FLI1: variants seen among roughly 807,000 people sequenced by gnomAD.
FLI1 encodes Friend leukemia integration 1 transcription factor.
Under a neutral mutation model 53.1 loss-of-function variants are expected in FLI1, and 13 were observed. The observed-to-expected ratio is 0.24, with a 90% confidence interval of 0.16 to 0.39. The LOEUF (loss-of-function observed/expected upper bound fraction) is 0.39, where lower values mean the gene tolerates loss of function less well. Ranked by LOEUF, FLI1 falls within the 10% of genes least tolerant of loss-of-function variation. The pLI, the probability that FLI1 is intolerant of heterozygous loss-of-function variation, is 1.00. For synonymous variants in FLI1, 244 were observed against 236.7 expected, an observed-to-expected ratio of 1.03 and a Z score of -0.28; for missense variants, 424 against 600.5, an observed-to-expected ratio of 0.71 and a Z score of 3.07.
chr11:128,732,076 G>A (rs1939724681), intron 1 of FLI1, among the ~76,000 whole-genome samples: 1 of 152,026 alleles, frequency 6.6e-6, no homozygotes, highest in Non-Finnish European at 1.5e-5. Flanking sequence ...TTGGAGAAGA[G>A]ATGAGTGGTA....
At chr11:128,765,099 G>A (rs972461557) in intron 2 of FLI1, among the ~76,000 whole-genome samples, 2 of 152,100 alleles carry the variant, frequency 1.3e-5, no homozygotes, top group Non-Finnish European at 2.9e-5. Flanking sequence ...AACTTCTATG[G>A]GTCAGTGAAT....
chr11:128,687,887 T>C (rs1018544792), intron 1 of FLI1, among the ~76,000 whole-genome samples: 3 of 152,214 alleles, frequency 2.0e-5, no homozygotes, highest in Non-Finnish European at 2.9e-5. Flanking sequence ...AATGAATGAA[T>C]GAAATACAGT....
At chr11:128,779,211 C>T (rs988721200) in intron 4 of FLI1, among the ~76,000 whole-genome samples, 9 of 152,252 alleles carry the variant, frequency 5.9e-5, no homozygotes, top group Non-Finnish European at 1.0e-4. Flanking sequence ...AAGGTTCGTG[C>T]TTTCGGCTAC....
chr11:128,809,494 A>G (rs1205888427), intron 8 of FLI1, among the ~76,000 whole-genome samples: 1 of 152,232 alleles, frequency 6.6e-6, no homozygotes, highest in African/African-American at 2.4e-5. Flanking sequence ...AGGCGTTTCA[A>G]TCAGAGAAAA....
At position 128,732,924 on chromosome 11, in the gene FLI1, G is replaced by A. The variant is rs953434898; in HGVS notation, c.19-25191G>A. Among the ~76,000 whole-genome samples the A allele has an allele frequency of 2.0e-5, 3 of 152,170 alleles. No homozygotes were observed. The South Asian group carries it at 6.2e-4, about 32-fold the overall frequency. ...ATCTAGAGAAGTAGAGTCCTTCAGC[G>A]ACTTGCAATAGTGGCTCTTACTAAA... On this transcript the variant is annotated intron_variant, in intron 1 of 8. Transcript: ENST00000527786.
chr11:128,768,321 TG>T (rs35044982), intron 3 of FLI1, 49 bp downstream of exon 3: 1,281,191 of 1,597,756 alleles, frequency 0.8, 515,010 homozygotes, highest in Middle Eastern at 0.84. Context: ...CCCCACTCTC[TG>T]GGGGGGCAGG....
Position 128,768,101 on chromosome 11 carries a change from G to C in FLI1, c.231-17G>C, listed in dbSNP as rs1252690914. 1 of 1,599,868 alleles carries C rather than the reference G, an allele frequency of 6.3e-7. No homozygotes were observed. Among genetic ancestry groups the C allele is most frequent in the African/African-American group, 1.3e-5 (1 of 74,622 alleles). ...TCAGTGCTGACCGCCTCTGGGCTTT[G>C]TCTCTTCTCACTTTAGGGAGTCTCC... On this transcript the variant is annotated splice_polypyrimidine_tract_variant and intron_variant, in intron 2 of 8. Transcript: ENST00000527786.
At chr11:128,739,670 A>G (rs1209868018) in intron 1 of FLI1, among the ~76,000 whole-genome samples, 1 of 152,074 alleles carries the variant, frequency 6.6e-6, no homozygotes, top group Admixed American at 6.6e-5. Context: ...TTAGGGGGGA[A>G]AAATCCTTCG....
chr11:128,787,807 A>T (rs1591813449), intron 5 of FLI1, among the ~76,000 whole-genome samples: 3 of 137,386 alleles, frequency 2.2e-5, no homozygotes, highest in Non-Finnish European at 1.5e-5. Context: ...GCTAATTACA[A>T]TTTTTTTTTT....
intron 5 of FLI1, among the ~76,000 whole-genome samples, chr11:128,802,214 T>A (rs1011068184): frequency 3.9e-5 from 6 of 152,242 alleles, no homozygotes; most frequent in African/African-American, 1.4e-4. Context: ...GCCTTCTGCA[T>A]CTTCATGCTT....
chr11:128,764,877 G>C (rs970791675), intron 2 of FLI1: 1 of 1,558,500 alleles, frequency 6.4e-7, no homozygotes, highest in African/African-American at 1.3e-5. Context: ...AGCTGGGCAA[G>C]TGTGGGGAAC....
rs766077047 is a variant in FLI1, at chr11:128,698,733, T to TGTGTGAGA, written c.18+4458_18+4459insTGTGAGAG. On this transcript the variant is annotated intron_variant, in intron 1 of 8. Transcript: ENST00000527786. ...TTGCGTGTGTGTGTGTGTGTGTGTG[T>TGTGTGAGA]GAGAGAGAGAGAGAGAGAGAGAAGT... Among the ~76,000 whole-genome samples the TGTGTGAGA allele has an allele frequency of 1.2e-3, 166 of 133,818 alleles. 4 individuals are homozygous for TGTGTGAGA. In the South Asian group the frequency reaches 0.028, roughly 22 times the overall value. 87.8% of individuals were successfully genotyped at this position (133,818 alleles called of 152,430 possible).
At chr11:128,742,485 C>T (rs1940181842) in intron 1 of FLI1, among the ~76,000 whole-genome samples, 1 of 152,160 alleles carries the variant, frequency 6.6e-6, no homozygotes. Context: ...ATAGTCTGGT[C>T]ACCAAACACA....
chr11:128,714,588 T>C (rs1938925236), intron 1 of FLI1, among the ~76,000 whole-genome samples: 1 of 152,186 alleles, frequency 6.6e-6, no homozygotes, highest in South Asian at 2.1e-4. Context: ...CTTTACCTCA[T>C]TATTACTTTA....
chr11:128,702,630 G>A (rs1046429277), intron 1 of FLI1, among the ~76,000 whole-genome samples: 1 of 152,230 alleles, frequency 6.6e-6, no homozygotes, highest in Non-Finnish European at 1.5e-5. Context: ...GGGAGGCCAA[G>A]GCGGGTGGAT....
chr11:128,767,827 A>T (rs1349537316), intron 2 of FLI1, among the ~76,000 whole-genome samples: 2 of 152,204 alleles, frequency 1.3e-5, no homozygotes, highest in Non-Finnish European at 1.5e-5. Context: ...CTGCAGTCAG[A>T]CAGGGAGGGC....
At chr11:128,737,685 C>T (rs1372289073) in intron 1 of FLI1, among the ~76,000 whole-genome samples, 1 of 152,184 alleles carries the variant, frequency 6.6e-6, no homozygotes, top group Non-Finnish European at 1.5e-5. Flanking sequence ...AATGGCCATC[C>T]AGGGCTTATT....
intron 1 of FLI1, among the ~76,000 whole-genome samples, chr11:128,716,258 AG>A (rs1939007559): frequency 1.3e-5 from 2 of 152,328 alleles, no homozygotes; most frequent in South Asian, 2.1e-4. Flanking sequence ...ACCCCCTCCA[AG>A]CCAAAATGTC....
chr11:128,703,869 G>A (rs1185086368), intron 1 of FLI1, among the ~76,000 whole-genome samples: 5 of 121,220 alleles, frequency 4.1e-5, no homozygotes, highest in East Asian at 4.7e-4. Context: ...AAAAACAAAC[G>A]TTAAGAGAGA....
Sources: gnomAD v4.1 joint callset for allele counts (sites outside exome capture counted in the v4.1 genomes callset) on GRCh38, gnomAD v4.1.1 for gene constraint, MANE v1.5 for transcripts, NCBI Gene and HGNC (gene_info 2026-07-23, HGNC 2026-07-21) for gene names.